Variants in SF3B2 observed in about 807,000 individuals in gnomAD.
The protein encoded by SF3B2 is SAP 145.
A neutral mutation model predicts 116.3 loss-of-function variants in SF3B2; 22 were observed. That is an observed-to-expected ratio of 0.19 (90% confidence interval 0.14 to 0.27). The LOEUF is 0.27. SF3B2 is among the 10% of genes least tolerant of loss of function. The pLI is 1.00. For synonymous variants in SF3B2, 406 were observed against 421.6 expected (o/e 0.96, Z 0.45); for missense variants, 767 against 1,151.4 (o/e 0.67, Z 4.83).
chr11:66,056,714 C>G, intron 5 of SF3B2, 124 bp from the exon 6 acceptor site: 1 of 689,816 alleles, frequency 1.4e-6, no homozygotes, highest in South Asian at 1.7e-5. Flanking sequence ...GAGGGGATGT[C>G]AGCACCCAAG....
Position 66,068,757 on chromosome 11 carries a change from C to G in SF3B2, c.*12C>G, listed in dbSNP as rs1483550253. 26 of 1,612,378 alleles carry G rather than the reference C, an allele frequency of 1.6e-5. No individual in the cohort carries two copies. Among genetic ancestry groups the G allele is most frequent in the Non-Finnish European group, 2.1e-5 (25 of 1,178,812 alleles). On this transcript the variant is annotated 3_prime_UTR_variant, in exon 22 of 22. Coordinates refer to ENST00000322535, the MANE Select transcript of SF3B2 (RefSeq NM_006842.3). ...AGTTCAAGTTTTAGGTCCCCTCACA[C>G]TAGCCCTTTTTTTGGCCCTACGTCT... is the stretch of plus-strand genomic sequence containing the variant.
chr11:66,068,376 C>G (rs773766517), intron 21 of SF3B2, 43 bp downstream of exon 21: 37 of 1,502,058 alleles, frequency 2.5e-5, no homozygotes, highest in Non-Finnish European at 3.0e-5. Context: ...GAGCCAGGGA[C>G]CCTGGCCTGC....
At chr11:66,054,194 G>C (rs1286196842) in intron 3 of SF3B2, among the ~76,000 whole-genome samples, 1 of 129,006 alleles carries the variant, frequency 7.8e-6, no homozygotes, top group Admixed American at 8.1e-5. Flanking sequence ...AAAAAAAAAA[G>C]AGGCAGGGCA....
intron 14 of SF3B2, 79 bp downstream of exon 14, chr11:66,060,810 G>A: frequency 6.8e-7 from 1 of 1,475,560 alleles, no homozygotes; most frequent in Non-Finnish European, 9.3e-7. Context: ...TTGTTTGTTT[G>A]TTTAAAAAAG....
chr11:66,059,631 C>T lies in SF3B2; in HGVS notation c.1401+36C>T. ...AGAGGATCCTGCAGGCCCTGGAGCC[C>T]AGCTGGGAGACCACCTGGGGAGCCA... On this transcript the variant is annotated intron_variant, in intron 12 of 21. Transcript: ENST00000322535. This position sits in a 1 kb window ranked among gnomAD's most constrained non-coding sequence, Gnocchi z 5.0. 6 of 1,608,502 alleles carry T rather than the reference C, an allele frequency of 3.7e-6. No homozygotes were observed. The highest frequency in any genetic ancestry group is 4.3e-6 in the Non-Finnish European group (5 of 1,175,024).
chr11:66,053,206 C>T, intron 3 of SF3B2, 102 bp downstream of exon 3: 1 of 1,077,764 alleles, frequency 9.3e-7, no homozygotes, highest in Non-Finnish European at 1.4e-6. Flanking sequence ...GATGTGACAC[C>T]CTTGCACATT....
intron 7 of SF3B2, 51 bp downstream of exon 7, chr11:66,057,426 G>T (rs376335850): frequency 1.1e-6 from 1 of 912,330 alleles, no homozygotes; most frequent in Non-Finnish European, 1.8e-6. Flanking sequence ...GTTTAGGATG[G>T]GACTATTTTT....
chr11:66,055,360 A>G (rs1856975619), intron 4 of SF3B2, 45 bp downstream of exon 4: 3 of 1,596,600 alleles, frequency 1.9e-6, no homozygotes, highest in Non-Finnish European at 2.6e-6. Flanking sequence ...TAGGTCCCTG[A>G]AGGGGCAGTG....
intron 19 of SF3B2, chr11:66,067,353 C>A: frequency 2.2e-6 from 1 of 454,808 alleles, no homozygotes; most frequent in South Asian, 1.6e-5. Flanking sequence ...TCTGACAGGA[C>A]CCGACATCCG....
Position 66,069,023 on chromosome 11 carries a change from G to A in SF3B2, c.*278G>A. The A allele has an allele frequency of 6.8e-6, 3 of 441,638 alleles. No homozygotes were observed. The South Asian group carries it at 7.2e-5, about 11-fold the overall frequency. 27.4% of individuals were successfully genotyped at this position (441,638 alleles called of 1,614,324 possible). On this transcript the variant is annotated 3_prime_UTR_variant, in exon 22 of 22. Coordinates refer to ENST00000322535, the MANE Select transcript of SF3B2 (RefSeq NM_006842.3). ...CCACGAACATAAACTGGGATTAGAC[G>A]GCGCATTTGACTGGTGGTGACGCCA... is the stretch of plus-strand genomic sequence containing the variant.
chr11:66,056,990 G>A, intron 6 of SF3B2, 35 bp downstream of exon 6: 2 of 1,480,232 alleles, frequency 1.4e-6, no homozygotes, highest in African/African-American at 1.4e-5. Context: ...GGGCAAGGAA[G>A]GTGATTTAGA....
rs1314184746 is a variant in SF3B2, at chr11:66,063,682, T to C, written c.2283T>C (p.Pro761=). 1 of 1,613,722 alleles carries C rather than the reference T, an allele frequency of 6.2e-7. No individual in the cohort carries two copies. Among genetic ancestry groups the C allele is most frequent in the East Asian group, 2.2e-5 (1 of 44,864 alleles). ...CAGTGCCTGCTGGAATGGAGACCCC[T>C]GAACTCATTGAGCTGAGGAAGAAGA... ...FSSVPAGMET[P]ELIELRKKKI... Residue 761 remains proline, a synonymous_variant, in exon 19 of 22, where the codon CCT becomes CCC. Transcript: ENST00000322535.
chr11:66,064,294 A>G (rs1334931261), intron 19 of SF3B2, among the ~76,000 whole-genome samples: 3 of 151,954 alleles, frequency 2.0e-5, no homozygotes, highest in Admixed American at 6.6e-5. Flanking sequence ...TTTTATCTCC[A>G]GTGTTGGTTA....
At chr11:66,060,108 C>T (rs1447130786) in intron 13 of SF3B2, 99 bp downstream of exon 13, 13 of 995,638 alleles carry the variant, frequency 1.3e-5, no homozygotes, top group Non-Finnish European at 1.8e-5. Flanking sequence ...CACCTACCAC[C>T]TACTTGTTAC....
At chr11:66,060,970 A>G (rs895043181) in intron 14 of SF3B2, among the ~76,000 whole-genome samples, 1 of 151,908 alleles carries the variant, frequency 6.6e-6, no homozygotes, top group Non-Finnish European at 1.5e-5. Context: ...AATTTTTTGT[A>G]TCTTTGGTAG....
In SF3B2 at chr11:66,068,343, T is replaced by TCCAGGGGCGCTGGGCTGGGTGAGAG; in HGVS notation, c.2616+17_2616+41dup. The TCCAGGGGCGCTGGGCTGGGTGAGAG allele has an allele frequency of 1.9e-6, 3 of 1,597,606 alleles. No homozygotes were observed. Among genetic ancestry groups the TCCAGGGGCGCTGGGCTGGGTGAGAG allele is most frequent in the Non-Finnish European group, 2.6e-6 (3 of 1,173,526 alleles). ...CGCTGCCAAACAGAAGGTAGGCGCTTCCAGGGGCGCTGGGCTGGGTGAGAG... is the reference window on the plus strand; with the variant it reads ...CGCTGCCAAACAGAAGGTAGGCGCTTCCAGGGGCGCTGGGCTGGGTGAGAGCCAGGGGCGCTGGGCTGGGTGAGAG... On this transcript the variant is annotated intron_variant, in intron 21 of 21. Coordinates refer to ENST00000322535, the MANE Select transcript of SF3B2 (RefSeq NM_006842.3).
intron 19 of SF3B2, chr11:66,066,975 C>T (rs897610962): frequency 1.1e-5 from 2 of 175,638 alleles, no homozygotes; most frequent in Non-Finnish European, 2.4e-5. Context: ...CTGTGGCCTG[C>T]AAACTCTCAG....
At chr11:66,055,675 T>C (rs1856981647) in intron 5 of SF3B2, 90 bp downstream of exon 5, 7 of 1,189,464 alleles carry the variant, frequency 5.9e-6, no homozygotes, top group Non-Finnish European at 7.4e-6. Context: ...AAGTTTTCCC[T>C]GGAGGCTACT....
At chr11:66,055,645 G>A (rs1590709266) in intron 5 of SF3B2, 60 bp downstream of exon 5, 1 of 1,462,254 alleles carries the variant, frequency 6.8e-7, no homozygotes. Flanking sequence ...GTCATTTATA[G>A]TGCTTAGAGT....
Sources: allele counts gnomAD v4.1 joint callset (sites outside exome capture counted in the v4.1 genomes callset), GRCh38; gene constraint gnomAD v4.1.1; non-coding constraint Gnocchi (gnomAD v3.1); transcripts MANE v1.5; gene names NCBI Gene and HGNC (gene_info 2026-07-23, HGNC 2026-07-21).